RETREG1: variants seen among roughly 807,000 people sequenced by gnomAD.
RETREG1 encodes the protein family with sequence similarity 134 member B.
RETREG1 carries 44 observed loss-of-function variants against 54.8 expected under a neutral mutation model. The observed-to-expected ratio is 0.80, with a 90% CI of 0.63 to 1.03. The LOEUF (loss-of-function observed/expected upper bound fraction) is 1.03, where lower values mean the gene tolerates loss of function less well. Among genes scored for constraint, RETREG1 ranks in the 50% least tolerant of loss-of-function variants. RETREG1 has a pLI of 0.00. For missense variants in RETREG1, 554 were observed against 605.1 expected (o/e 0.92, Z 0.89); for synonymous variants, 217 against 238.5 (o/e 0.91, Z 0.83).
chr5:16,580,182 A>G (rs1332338884), intron 1 of RETREG1, among the ~76,000 whole-genome samples: 5 of 152,142 alleles, frequency 3.3e-5, no homozygotes. Context: ...TCAGGACACC[A>G]TGCATGTTCT....
chr5:16,492,828 A>G (rs1739303110), intron 3 of RETREG1, among the ~76,000 whole-genome samples: 2 of 152,224 alleles, frequency 1.3e-5, no homozygotes, highest in African/African-American at 2.4e-5. Flanking sequence ...CTGCATGAGC[A>G]CTCACTGAAT....
At chr5:16,488,806 C>T (rs1196448693) in intron 3 of RETREG1, among the ~76,000 whole-genome samples, 1 of 151,988 alleles carries the variant, frequency 6.6e-6, no homozygotes, top group Non-Finnish European at 1.5e-5. Context: ...GACCTTAGGC[C>T]GGGCGTGGTG....
At chr5:16,588,314 T>C (rs1222082586) in intron 1 of RETREG1, among the ~76,000 whole-genome samples, 1 of 152,186 alleles carries the variant, frequency 6.6e-6, no homozygotes, top group South Asian at 2.1e-4. Flanking sequence ...TGCATACATA[T>C]CCCTGGTGTC....
At chr5:16,486,053 G>A (rs1027411211) in intron 3 of RETREG1, among the ~76,000 whole-genome samples, 3 of 151,770 alleles carry the variant, frequency 2.0e-5, no homozygotes, top group African/African-American at 7.3e-5. Flanking sequence ...ATAGTTTTTT[G>A]GGACAATAAA....
chr5:16,493,236 G>C (rs33686), intron 3 of RETREG1, among the ~76,000 whole-genome samples: 47,363 of 152,084 alleles, frequency 0.31, 7,556 homozygotes, highest in Middle Eastern at 0.36. Flanking sequence ...TTGGGAGGCT[G>C]ACACTCAACT....
chr5:16,600,019 G>A (rs948812071), intron 1 of RETREG1, among the ~76,000 whole-genome samples: 4 of 152,104 alleles, frequency 2.6e-5, no homozygotes, highest in Admixed American at 6.5e-5. Flanking sequence ...AGGCAGGGGC[G>A]AGGACAGGTG....
rs1413373830 is a variant in RETREG1, at chr5:16,474,876, A to G, written c.1359T>C (p.Asp453=). 3.1e-6 allele frequency: 5 copies of G among 1,613,908 alleles called. No individual in the cohort carries two copies. Among genetic ancestry groups the G allele is most frequent in the Non-Finnish European group, 4.2e-6 (5 of 1,179,948 alleles). ...PEEDTDTEEG[D]DFELLDQSEL... ...CTGACTGGTCAAGTAGTTCAAAGTC[A>G]TCACCTTCTTCAGTGTCTGTGTCCT... Residue 453 remains aspartate (D), a synonymous_variant, in exon 9 of 9, where the codon GAT becomes GAC. Coordinates refer to ENST00000306320, the MANE Select transcript of RETREG1 (RefSeq NM_001034850.3).
rs113918343 is a variant in RETREG1 at position 16,521,124 on chromosome 5, A to G, written c.459-37652T>C. Among the ~76,000 whole-genome samples the G allele has an allele frequency of 6.2e-3, 948 of 152,288 alleles. 11 individuals carry two copies. The highest frequency in any genetic ancestry group is 0.022 in the African/African-American group (897 of 41,552). On this transcript the variant is annotated intron_variant, in intron 3 of 8. Transcript: ENST00000306320. ...CTCCCTCTCAGAAGTCCTGTGGGTC[A>G]CCTGGAACTGGTTTTATTCCTGCTT...
intron 1 of RETREG1, among the ~76,000 whole-genome samples, chr5:16,572,899 T>C (rs1742216519): frequency 6.6e-6 from 1 of 151,972 alleles, no homozygotes; most frequent in South Asian, 2.1e-4. Flanking sequence ...AAACAGCAGT[T>C]ATTGGCCGGG....
At chr5:16,600,052 G>A (rs1450554260) in intron 1 of RETREG1, among the ~76,000 whole-genome samples, 1 of 152,190 alleles carries the variant, frequency 6.6e-6, no homozygotes, top group African/African-American at 2.4e-5. Flanking sequence ...CCAGGCTGGA[G>A]TGCAGTGGCG....
intron 1 of RETREG1, chr5:16,616,388 G>A: frequency 1.9e-6 from 1 of 521,262 alleles, no homozygotes; most frequent in Admixed American, 3.7e-5. Flanking sequence ...TGTAGGTGCA[G>A]GTGCCTGAGG....
intron 1 of RETREG1, among the ~76,000 whole-genome samples, chr5:16,601,546 GC>G (rs1440725126): frequency 6.6e-6 from 1 of 152,098 alleles, no homozygotes; most frequent in East Asian, 1.9e-4. Flanking sequence ...ACAGGCATGC[GC>G]CACCATACCC....
In RETREG1 at chr5:16,616,643, A is replaced by G; in HGVS notation, c.320+9T>C. The G allele has an allele frequency of 4.4e-6, 7 of 1,587,460 alleles. No homozygotes were observed. The highest frequency in any genetic ancestry group is 6.0e-6 in the Non-Finnish European group (7 of 1,173,152). Reference sequence around the variant, plus strand: ...CTCCTCAGCGCCCCCACCTTGCCCAAGCTCTCACCAGAACAGCAGGTTGGC... The same window carrying G: ...CTCCTCAGCGCCCCCACCTTGCCCAGGCTCTCACCAGAACAGCAGGTTGGC... On this transcript the variant is annotated intron_variant, in intron 1 of 8. Transcript: ENST00000306320.
At chr5:16,480,566 C>G (rs999652527) in intron 5 of RETREG1, among the ~76,000 whole-genome samples, 15 of 152,124 alleles carry the variant, frequency 9.9e-5, no homozygotes, top group African/African-American at 3.6e-4. Flanking sequence ...TACCCCGCAA[C>G]AGTATGTGAG....
At chr5:16,541,747 AGG>A (rs1741254802) in intron 3 of RETREG1, among the ~76,000 whole-genome samples, 2 of 71,408 alleles carry the variant, frequency 2.8e-5, no homozygotes, top group Non-Finnish European at 5.4e-5. Context: ...GAGGGAAGGA[AGG>A]AAGGAAGGAA....
intron 3 of RETREG1, among the ~76,000 whole-genome samples, chr5:16,487,055 T>A (rs1377188661): frequency 1.3e-5 from 2 of 152,148 alleles, no homozygotes; most frequent in Non-Finnish European, 1.5e-5. Flanking sequence ...TTTTCCATGG[T>A]GTGTAGCTGT....
At chr5:16,507,412 T>G (rs1740002234) in intron 3 of RETREG1, among the ~76,000 whole-genome samples, 1 of 152,210 alleles carries the variant, frequency 6.6e-6, no homozygotes. Context: ...AATCAACCCA[T>G]GATCTCAAAA....
At chr5:16,524,243 T>C (rs943611526) in intron 3 of RETREG1, among the ~76,000 whole-genome samples, 5 of 152,230 alleles carry the variant, frequency 3.3e-5, no homozygotes, top group Non-Finnish European at 7.3e-5. Context: ...CATGTGCTCC[T>C]GGATGCTGTG....
At chr5:16,615,412 A>T (rs552868279) in intron 1 of RETREG1, among the ~76,000 whole-genome samples, 1 of 150,112 alleles carries the variant, frequency 6.7e-6, no homozygotes, top group African/African-American at 2.5e-5. Context: ...AAAAAAAAAA[A>T]AAAGAAAGAA....
Sources: allele counts gnomAD v4.1 joint callset (sites outside exome capture counted in the v4.1 genomes callset), GRCh38; gene constraint gnomAD v4.1.1; transcripts MANE v1.5; gene names NCBI Gene and HGNC (gene_info 2026-07-23, HGNC 2026-07-21).